Variants in CASTOR2 observed in about 807,000 individuals in gnomAD.
CASTOR2 encodes the protein GATS protein like 2.
Under a neutral mutation model 31.2 loss-of-function variants are expected in CASTOR2, and 8 were observed. The observed-to-expected ratio is 0.26, with a 90% CI of 0.15 to 0.46. The LOEUF (loss-of-function observed/expected upper bound fraction) is 0.46, where lower values mean the gene tolerates loss of function less well. CASTOR2 is among the 20% of genes least tolerant of loss of function. CASTOR2 has a pLI of 0.99. For missense variants in CASTOR2, 216 were observed against 382.1 expected (o/e 0.57, Z 3.62); for synonymous variants, 162 against 158.7 (o/e 1.02, Z -0.16).
rs1400525233 is a variant in CASTOR2, at chr7:74,995,795, G to A, written c.114-12199G>A. Among the ~76,000 whole-genome samples the A allele has an allele frequency of 5.3e-5, 8 of 149,984 alleles. No homozygotes were observed. The South Asian group carries it at 1.5e-3, about 28-fold the overall frequency. ...TGCGCTCCAGCCTGGGCAACAGAGC[G>A]AGACTCCATCTCAGAAAAAAAAAAA... On this transcript the variant is annotated intron_variant, in intron 1 of 8. Transcript: ENST00000616305.
At chr7:75,024,356 C>A in intron 7 of CASTOR2, 84 bp from the exon 8 acceptor site, 1 of 1,358,084 alleles carries the variant, frequency 7.4e-7, no homozygotes, top group Non-Finnish European at 1.0e-6. Context: ...GTAGGCATTG[C>A]CCACAGAGGG....
chr7:74,984,908 G>A (rs1804028014), intron 1 of CASTOR2, among the ~76,000 whole-genome samples: 1 of 152,222 alleles, frequency 6.6e-6, no homozygotes, highest in African/African-American at 2.4e-5. Flanking sequence ...GAGGCAGTCA[G>A]ATCACCTGAG....
chr7:74,981,724 G>A (rs1584460492), intron 1 of CASTOR2, among the ~76,000 whole-genome samples: 1 of 151,332 alleles, frequency 6.6e-6, no homozygotes, highest in Non-Finnish European at 1.5e-5. Context: ...ACCATGCCGG[G>A]CCTATTTTTT....
chr7:74,992,449 T>G (rs1305788598), intron 1 of CASTOR2, among the ~76,000 whole-genome samples: 1 of 151,282 alleles, frequency 6.6e-6, no homozygotes, highest in African/African-American at 2.4e-5. Flanking sequence ...ACGAAAAGAT[T>G]TTTTTTTTAA....
chr7:75,002,121 T>C (rs1804513866), intron 1 of CASTOR2, among the ~76,000 whole-genome samples: 1 of 152,024 alleles, frequency 6.6e-6, no homozygotes, highest in Admixed American at 6.6e-5. Context: ...AGACAGGGTT[T>C]CACCATGTTG....
chr7:74,982,070 G>GAA (rs1221880591), intron 1 of CASTOR2, among the ~76,000 whole-genome samples: 5 of 94,950 alleles, frequency 5.3e-5, no homozygotes, highest in Non-Finnish European at 8.6e-5. Flanking sequence ...CCAGTCTCAA[G>GAA]AAAAAAAAAA....
chr7:74,997,263 G>C (rs1369590805), intron 1 of CASTOR2, among the ~76,000 whole-genome samples: 26 of 151,832 alleles, frequency 1.7e-4, no homozygotes, highest in Non-Finnish European at 3.4e-4. Context: ...GGATCTCACT[G>C]TGTTGCCCAG....
At position 75,031,502 on chromosome 7, in the gene CASTOR2, A is replaced by G. The variant is rs1297472392; in HGVS notation, c.*6803A>G. 3.4e-5 allele frequency among the ~76,000 whole-genome samples: 5 copies of G among 148,748 alleles called. No individual in the cohort carries two copies. Among genetic ancestry groups the G allele is most frequent in the Non-Finnish European group, 7.5e-5 (5 of 67,000 alleles). On this transcript the variant is annotated 3_prime_UTR_variant, in exon 9 of 9. Coordinates refer to ENST00000616305, the MANE Select transcript of CASTOR2 (RefSeq NM_001145064.3). ...AGACAGTATATTTTGTACTTTGTAA[A>G]GTGTTAATTAAAATGAAAAAAAAAA...
rs1804839172 is a variant in CASTOR2 at position 75,015,196 on chromosome 7, A to G, written c.185-2402A>G. Among the ~76,000 whole-genome samples the G allele has an allele frequency of 2.0e-5, 3 of 152,336 alleles. No individual in the cohort carries two copies. The South Asian group carries it at 6.2e-4, about 32-fold the overall frequency. On this transcript the variant is annotated intron_variant, in intron 2 of 8. Transcript: ENST00000616305. ...GCCATCTTGCCTGCCAGCAGAGCCCAGCTCGTCTTTCCCCAGGAATCTTCA... is the reference window on the plus strand; with the variant it reads ...GCCATCTTGCCTGCCAGCAGAGCCCGGCTCGTCTTTCCCCAGGAATCTTCA...
intron 1 of CASTOR2, among the ~76,000 whole-genome samples, chr7:74,998,433 A>G (rs1421595553): frequency 6.6e-6 from 1 of 152,080 alleles, no homozygotes; most frequent in Non-Finnish European, 1.5e-5. Flanking sequence ...GCGAAACCCC[A>G]TCTCTACTAA....
intron 6 of CASTOR2, 51 bp from the exon 7 acceptor site, chr7:75,021,823 G>T: frequency 6.5e-7 from 1 of 1,548,992 alleles, no homozygotes; most frequent in Non-Finnish European, 8.7e-7. Flanking sequence ...CACCAAGGAG[G>T]GAGTGCAATT....
chr7:75,010,613 C>G (rs1362859544), intron 2 of CASTOR2, among the ~76,000 whole-genome samples: 1 of 152,066 alleles, frequency 6.6e-6, no homozygotes, highest in Non-Finnish European at 1.5e-5. Context: ...ACTGTCTTGC[C>G]CTGCCCCTCC....
At chr7:74,983,539 CT>C (rs1748934365) in intron 1 of CASTOR2, among the ~76,000 whole-genome samples, 2 of 150,510 alleles carry the variant, frequency 1.3e-5, no homozygotes, top group East Asian at 3.9e-4. Flanking sequence ...GAAGTGAGAT[CT>C]TACAGAGAAA....
chr7:74,996,554 G>A (rs1180568804), intron 1 of CASTOR2, among the ~76,000 whole-genome samples: 1 of 151,752 alleles, frequency 6.6e-6, no homozygotes, highest in Non-Finnish European at 1.5e-5. Context: ...CAGAGGTTGT[G>A]TGTCTCGGTG....
intron 2 of CASTOR2, among the ~76,000 whole-genome samples, chr7:75,010,662 A>G (rs1390043164): frequency 5.9e-5 from 9 of 152,104 alleles, no homozygotes; most frequent in South Asian, 2.1e-4. Flanking sequence ...ACTGAGGAAC[A>G]CAGGGACCAC....
chr7:75,003,567 G>A (rs1804543306), intron 1 of CASTOR2, among the ~76,000 whole-genome samples: 1 of 152,040 alleles, frequency 6.6e-6, no homozygotes, highest in Admixed American at 6.6e-5. Context: ...TGGCTAACAC[G>A]ATGAAACCCT....
At chr7:74,983,403 C>T (rs1554436447) in intron 1 of CASTOR2, among the ~76,000 whole-genome samples, 1 of 149,584 alleles carries the variant, frequency 6.7e-6, no homozygotes, top group African/African-American at 2.5e-5. Flanking sequence ...CCTGCAGCTT[C>T]TCTCTGATGA....
intron 1 of CASTOR2, among the ~76,000 whole-genome samples, chr7:75,005,988 G>C (rs1804597608): frequency 6.6e-6 from 1 of 152,196 alleles, no homozygotes; most frequent in African/African-American, 2.4e-5. Flanking sequence ...AAATTAGCCA[G>C]ATGTGGTGGT....
In CASTOR2 at chr7:75,013,737, CGT is replaced by C. The variant is rs1201005028; in HGVS notation, c.185-3851_185-3850del. ...TATATGTGTATATTCCGATTTTTTA[CGT>C]GTGTGTGTGACTGAGTCTCGCTCTG... On this transcript the variant is annotated intron_variant, in intron 2 of 8. Coordinates refer to ENST00000616305, the MANE Select transcript of CASTOR2 (RefSeq NM_001145064.3). 2.1e-3 allele frequency among the ~76,000 whole-genome samples: 324 copies of C among 151,982 alleles called. 1 individual carries two copies. The highest frequency in any genetic ancestry group is 2.0e-3 in the Non-Finnish European group (134 of 67,924).
Sources: allele counts gnomAD v4.1 joint callset (sites outside exome capture counted in the v4.1 genomes callset), GRCh38; gene constraint gnomAD v4.1.1; transcripts MANE v1.5; gene names NCBI Gene and HGNC (gene_info 2026-07-23, HGNC 2026-07-21).